Variants in MYO18A observed in about 807,000 individuals in gnomAD.
The protein encoded by MYO18A is unconventional myosin-XVIIIa.
In MYO18A, 78 loss-of-function variants were observed where a neutral mutation model predicts 235.8. That is an observed-to-expected ratio of 0.33 (90% CI 0.28 to 0.40). The LOEUF (loss-of-function observed/expected upper bound fraction) is 0.40. Ranked by LOEUF, MYO18A falls within the 10% of genes least tolerant of loss-of-function variation. The pLI is 1.00. For synonymous variants in MYO18A, 977 were observed against 1,077.8 expected, an observed-to-expected ratio of 0.91 and a Z score of 1.83; for missense variants, 2,215 against 2,699.3, an observed-to-expected ratio of 0.82 and a Z score of 3.98.
At chr17:29,094,193 C>T (rs2152766020) in intron 30 of MYO18A, 103 bp from the exon 31 acceptor site, 2 of 776,286 alleles carry the variant, frequency 2.6e-6, no homozygotes, top group Middle Eastern at 2.4e-4. Flanking sequence ...AGAACGTCCA[C>T]CAGCCAGTTC....
chr17:29,109,733 G>A lies in MYO18A; in HGVS notation c.3331+125C>T. The A allele has an allele frequency of 8.0e-7, 1 of 1,256,688 alleles. No homozygotes were observed. Among genetic ancestry groups the A allele is most frequent in the Non-Finnish European group, 1.1e-6 (1 of 905,534 alleles). 77.8% of individuals were successfully genotyped at this position (1,256,688 alleles called of 1,614,324 possible). On this transcript the variant is annotated intron_variant, in intron 19 of 41. Transcript: ENST00000527372. This position sits in a 1 kb window ranked among gnomAD's most constrained non-coding sequence, Gnocchi z 4.1. ...GGAGAGATGAGGAGAGACCAGAGCA[G>A]AAAGGATCGTGAGGAAAGACAGGAG...
intron 26 of MYO18A, 21 bp downstream of exon 26, chr17:29,097,767 C>T (rs774480478): frequency 2.0e-5 from 32 of 1,597,468 alleles, no homozygotes; most frequent in Non-Finnish European, 2.6e-5. Flanking sequence ...CACTGCCGAG[C>T]TCCTTGGGCC....
At chr17:29,098,572 C>T (rs1040920246) in intron 23 of MYO18A, 127 bp from the exon 24 acceptor site, 17 of 1,174,014 alleles carry the variant, frequency 1.4e-5, no homozygotes, top group Non-Finnish European at 2.0e-5. Flanking sequence ...AAGGCATGTC[C>T]CCAATAGCAG....
chr17:29,094,494 C>G (rs1273931861), intron 30 of MYO18A, among the ~76,000 whole-genome samples, 156 bp downstream of exon 30: 2 of 152,252 alleles, frequency 1.3e-5, no homozygotes, highest in East Asian at 3.8e-4. Context: ...GTGGCTGGCA[C>G]AGATCAGGTG....
rs993860498 is a variant in MYO18A, at chr17:29,140,463, C to A, written c.1000-18210G>T. The A allele has an allele frequency of 1.7e-6, 2 of 1,211,132 alleles. No homozygotes were observed. The highest frequency in any genetic ancestry group is 3.1e-5 in the Admixed American group (1 of 31,940). The allele number at this position is 1,211,132 out of a possible 1,614,324, so 75.0% of individuals were successfully genotyped here. A position where few individuals can be genotyped will look rare whatever the true frequency, so the allele number is the denominator to read the frequency against. On this transcript the variant is annotated intron_variant, in intron 2 of 41. Transcript: ENST00000527372. This position sits in a 1 kb window ranked among gnomAD's most constrained non-coding sequence, Gnocchi z 4.2. The stretch of plus-strand genomic sequence containing the variant: ...GCCCAGTTCCCGCCCTCTCCCCGGC[C>A]CCTCCCGTCCCGAGCTGCCCAGCCC...
At chr17:29,119,561 T>C in intron 7 of MYO18A, 126 bp from the exon 8 acceptor site, 2 of 638,486 alleles carry the variant, frequency 3.1e-6, no homozygotes, top group Non-Finnish European at 5.2e-6. Flanking sequence ...GCATTTTTTT[T>C]TTTTTTTTTT....
chr17:29,079,637 G>A (rs1003097304), intron 41 of MYO18A: 14 of 871,782 alleles, frequency 1.6e-5, no homozygotes, highest in Non-Finnish European at 1.9e-5. Context: ...GTGCGGGTGG[G>A]CCCTAAGGTG....
At chr17:29,136,099 C>T (rs2067590362) in intron 2 of MYO18A, among the ~76,000 whole-genome samples, 2 of 151,864 alleles carry the variant, frequency 1.3e-5, no homozygotes, top group South Asian at 4.2e-4. Context: ...AACGATGGTG[C>T]ATGCCTGTGG....
In MYO18A at chr17:29,165,854, GCT is replaced by G. The variant is rs2068269688; in HGVS notation, c.999+86_999+87del. On this transcript the variant is annotated intron_variant, in intron 2 of 41. Transcript: ENST00000527372. ...TACACACTGCTAGGCTCTGATAACA[GCT>G]CTTGGGTACCCCGATTACCCAGTCA... The G allele has an allele frequency of 1.2e-5, 15 of 1,272,238 alleles. No homozygotes were observed. In the East Asian group the frequency reaches 3.8e-4, roughly 32 times the overall value. 78.8% of individuals were successfully genotyped at this position (1,272,238 alleles called of 1,614,324 possible).
rs2067723374 is a variant in MYO18A at position 29,140,835 on chromosome 17, C to T, written c.1000-18582G>A. 6.6e-6 allele frequency among the ~76,000 whole-genome samples: 1 copy of T among 152,194 alleles called. No homozygotes were observed. The highest frequency in any genetic ancestry group is 2.4e-5 in the African/African-American group (1 of 41,434). ...ACACACACACACCAGCATGCACGAA[C>T]ATTCAATCAACACAGTGTTCTTGAG... On this transcript the variant is annotated intron_variant, in intron 2 of 41. Coordinates refer to ENST00000527372, the MANE Select transcript of MYO18A (RefSeq NM_078471.4). The surrounding 1 kb of genome is among the most constrained non-coding windows in gnomAD (Gnocchi z 4.2).
intron 41 of MYO18A, chr17:29,079,760 G>A (rs1158150060): frequency 3.0e-6 from 3 of 986,060 alleles, no homozygotes; most frequent in South Asian, 9.4e-5. Context: ...TACAGGTACC[G>A]CATCATCAGG....
intron 2 of MYO18A, among the ~76,000 whole-genome samples, chr17:29,149,443 C>T (rs1312748392): frequency 6.6e-6 from 1 of 152,220 alleles, no homozygotes; most frequent in Non-Finnish European, 1.5e-5. Flanking sequence ...ATCACTGCCC[C>T]AGAGGTGGTC....
chr17:29,086,796 T>G, intron 38 of MYO18A, 140 bp downstream of exon 38: 1 of 1,188,946 alleles, frequency 8.4e-7, no homozygotes, highest in Non-Finnish European at 1.2e-6. Context: ...GCCCTCTTGA[T>G]ATGCTCCTCC....
chr17:29,077,231 G>A (rs944781767), intron 41 of MYO18A: 10 of 152,240 alleles, frequency 6.6e-5, no homozygotes, highest in Admixed American at 2.0e-4. Flanking sequence ...AGCCATCAGG[G>A]AGTCAACAGC....
chr17:29,097,130 C>T, intron 27 of MYO18A, 93 bp downstream of exon 27: 1 of 1,540,868 alleles, frequency 6.5e-7, no homozygotes, highest in Non-Finnish European at 8.7e-7. Flanking sequence ...TCCAGCCAGG[C>T]CTGCCTGCCC....
At position 29,094,838 on chromosome 17, in the gene MYO18A, C is replaced by A; in HGVS notation, c.4522G>T (p.Asp1508Tyr). The A allele has an allele frequency of 6.2e-7, 1 of 1,614,034 alleles. No homozygotes were observed. Among genetic ancestry groups the A allele is most frequent in the Non-Finnish European group, 8.5e-7 (1 of 1,179,896 alleles). Residue 1508 changes from aspartate (D) to tyrosine (Y), a missense_variant, in exon 30 of 42, where the codon GAC becomes TAC. Physicochemically the swap from Asp to Tyr is radical, Grantham distance 160. Transcript: ENST00000527372. ...LKQQLEEKDM[D>Y]IAGFTQKVVS... ...ACCTTCTGGGTGAACCCTGCAATGT[C>A]CATGTCTTTTTCCTGGAGCAAAAGA...
chr17:29,087,070 C>A lies in MYO18A; in HGVS notation c.5578G>T (p.Asp1860Tyr). ...CGGTTCTCGGCTGCAATGCGCTGAT[C>A]CCGCTCCTCAGTCAGCTTCTCCATG... is the stretch of plus-strand genomic sequence containing the variant. ...ENMEKLTEERDQRIAAENREK... is the reference protein window; with the variant it reads ...ENMEKLTEERYQRIAAENREK... The change falls in exon 38 of 42, where the codon GAT becomes TAT. Residue 1860 changes from aspartate (D) to tyrosine (Y), a missense_variant. Transcript: ENST00000527372. 1 of 1,613,986 alleles carries A rather than the reference C, an allele frequency of 6.2e-7. No homozygotes were observed. The highest frequency in any genetic ancestry group is 8.5e-7 in the Non-Finnish European group (1 of 1,179,878).
intron 2 of MYO18A, among the ~76,000 whole-genome samples, chr17:29,154,055 T>C (rs1055235777): frequency 1.3e-5 from 2 of 151,578 alleles, no homozygotes; most frequent in African/African-American, 2.4e-5. Flanking sequence ...ATGGCAGAAA[T>C]TGGAGGGGTC....
intron 26 of MYO18A, 44 bp from the exon 27 acceptor site, chr17:29,097,394 T>C (rs1433438706): frequency 6.3e-7 from 1 of 1,598,462 alleles, no homozygotes; most frequent in Admixed American, 1.7e-5. Context: ...GTGCTGAGAG[T>C]CCCCAGAAGG....
Sources: gnomAD v4.1 joint callset for allele counts (sites outside exome capture counted in the v4.1 genomes callset) on GRCh38, gnomAD v4.1.1 for gene constraint, Gnocchi (gnomAD v3.1) non-coding constraint, MANE v1.5 for transcripts, NCBI Gene and HGNC (gene_info 2026-07-23, HGNC 2026-07-21) for gene names.